The following FAM20B variants were observed in gnomAD, a reference collection of about 807,000 sequenced individuals.
The protein encoded by FAM20B is glycosaminoglycan xylosylkinase.
In FAM20B, 23 loss-of-function variants were observed where a neutral mutation model predicts 43.8. The ratio of observed to expected loss-of-function variants is 0.53; its 90% CI spans 0.38 to 0.74. The LOEUF is 0.74. Ranked by LOEUF, FAM20B falls within the 30% of genes least tolerant of loss-of-function variation. The probability of loss-of-function intolerance (pLI) is 0.00; values close to 1 mark genes in which losing one functional copy is unlikely to be tolerated. For synonymous variants in FAM20B, 178 were observed against 192.4 expected (o/e 0.93, Z 0.62); for missense variants, 440 against 510.5 (o/e 0.86, Z 1.33).
At chr1:179,069,043 G>A (rs1322728177) in intron 7 of FAM20B, among the ~76,000 whole-genome samples, 3 of 152,234 alleles carry the variant, frequency 2.0e-5, no homozygotes, top group Admixed American at 6.5e-5. Flanking sequence ...AGGCACACAC[G>A]TGGGCCTTCA....
intron 7 of FAM20B, among the ~76,000 whole-genome samples, chr1:179,071,165 G>A (rs928824150): frequency 2.6e-5 from 4 of 151,732 alleles, no homozygotes; most frequent in African/African-American, 4.8e-5. Context: ...GCGTGGTGGC[G>A]GGTGCCTGTA....
intron 1 of FAM20B, among the ~76,000 whole-genome samples, chr1:179,041,699 C>T (rs527374795): frequency 7.9e-5 from 11 of 138,658 alleles, no homozygotes; most frequent in African/African-American, 2.2e-4. Context: ...AGACGGGAGA[C>T]GGGGAGGGAG....
Position 179,049,381 on chromosome 1 carries a change from G to GTCA in FAM20B, c.378-893_378-891dup, listed in dbSNP as rs565665877. Among the ~76,000 whole-genome samples, 42 of 152,122 alleles carry GTCA rather than the reference G, an allele frequency of 2.8e-4. No individual in the cohort carries two copies. In the South Asian group the frequency reaches 8.3e-3, roughly 30 times the overall value. ...GCCAGTCCAGGACTCCTTGTAGTACGTCATCATAAACTTAAAAAAAAAGAA... is the reference window on the plus strand; with the variant it reads ...GCCAGTCCAGGACTCCTTGTAGTACGTCATCATCATAAACTTAAAAAAAAAGAA... On this transcript the variant is annotated intron_variant, in intron 2 of 7. Transcript: ENST00000263733.
chr1:179,035,773 T>TTA (rs1650200202), intron 1 of FAM20B: 1 of 260,398 alleles, frequency 3.8e-6, no homozygotes, highest in African/African-American at 2.3e-5. Context: ...ACGTTTGCCC[T>TTA]TATACAATAT....
intron 4 of FAM20B, among the ~76,000 whole-genome samples, chr1:179,058,910 T>C (rs78863118): frequency 9.9e-5 from 15 of 152,218 alleles, no homozygotes; most frequent in Non-Finnish European, 1.3e-4. Context: ...CCTAGGTTTC[T>C]GGATTGGATG....
the FAM20B span, among the ~76,000 whole-genome samples, chr1:179,019,929 A>G: frequency 0.55 from 83,900 of 151,818 alleles, 24,769 homozygotes; most frequent in African/African-American, 0.77. Flanking sequence ...TCCTTATTTC[A>G]CCCATGGGCC....
At chr1:179,063,196 G>A (rs1651547303) in intron 4 of FAM20B, among the ~76,000 whole-genome samples, 1 of 152,124 alleles carries the variant, frequency 6.6e-6, no homozygotes, top group African/African-American at 2.4e-5. Context: ...AGAATTGCTT[G>A]AACCTGGGAG....
rs553652232 is a variant in FAM20B, at chr1:179,039,940, G to A, written c.-133-3775G>A. 4.2e-3 allele frequency among the ~76,000 whole-genome samples: 642 copies of A among 152,126 alleles called. 6 individuals carry two copies. The highest frequency in any genetic ancestry group is 6.9e-3 in the Non-Finnish European group (472 of 67,984). ...TTAGGGAGTGGTGATGACTCTTAAC[G>A]AGCATGCTGCCTTCAAACATCTGTT... is the stretch of plus-strand genomic sequence containing the variant. On this transcript the variant is annotated intron_variant, in intron 1 of 7. Transcript: ENST00000263733.
chr1:179,030,683 G>A (rs990188239), intron 1 of FAM20B, among the ~76,000 whole-genome samples: 6 of 152,290 alleles, frequency 3.9e-5, no homozygotes, highest in African/African-American at 1.4e-4. Context: ...TTAAACCAGA[G>A]AGTTGCCAGT....
upstream of FAM20B, among the ~76,000 whole-genome samples, chr1:179,023,101 G>C (rs1649633495): frequency 6.6e-6 from 1 of 152,206 alleles, no homozygotes; most frequent in Non-Finnish European, 1.5e-5. Context: ...CCAAGCACAG[G>C]TGTCCCTATT....
At chr1:179,062,001 G>C (rs551314479) in intron 4 of FAM20B, among the ~76,000 whole-genome samples, 36 of 150,346 alleles carry the variant, frequency 2.4e-4, no homozygotes, top group Admixed American at 1.9e-3. Context: ...ATCATTAAAA[G>C]GAACCCTAGT....
rs1173871611 is a variant in FAM20B, at chr1:179,072,219, G to A, written c.*75G>A. ...GCACAATCAATTCCAAATGGTATGA[G>A]ATGGATTGGAAGTGGCCAGCAGCAA... On this transcript the variant is annotated 3_prime_UTR_variant, in exon 8 of 8. Coordinates refer to ENST00000263733, the MANE Select transcript of FAM20B (RefSeq NM_014864.4). 6 of 1,233,404 alleles carry A rather than the reference G, an allele frequency of 4.9e-6. No homozygotes were observed. The African/African-American group carries it at 9.0e-5, about 18-fold the overall frequency. The allele number at this position is 1,233,404 out of a possible 1,614,324, so 76.4% of individuals were successfully genotyped here.
intron 2 of FAM20B, among the ~76,000 whole-genome samples, chr1:179,045,430 A>G (rs1056020703): frequency 1.3e-5 from 2 of 152,166 alleles, no homozygotes; most frequent in Non-Finnish European, 2.9e-5. Context: ...TGTAGGGAAA[A>G]GATGGACAAA....
chr1:179,054,408 G>T (rs1353600724), intron 3 of FAM20B, 121 bp from the exon 4 acceptor site: 4 of 577,346 alleles, frequency 6.9e-6, no homozygotes, highest in Non-Finnish European at 1.3e-5. Flanking sequence ...AAAAAATTAG[G>T]TTTAGCTACT....
chr1:179,043,843 T>C lies in FAM20B; in HGVS notation c.-5T>C. ...TGGGTCAGGGGAGAAGGAAAAGAGG[T>C]CAACATGAAGCTAAAGCAGCGAGTC... is the stretch of plus-strand genomic sequence containing the variant. On this transcript the variant is annotated 5_prime_UTR_variant, in exon 2 of 8. Transcript: ENST00000263733. The C allele has an allele frequency of 6.3e-7, 1 of 1,582,002 alleles. No homozygotes were observed.
At chr1:179,070,142 T>C (rs1410705243) in intron 7 of FAM20B, among the ~76,000 whole-genome samples, 1 of 151,822 alleles carries the variant, frequency 6.6e-6, no homozygotes, top group African/African-American at 2.4e-5. Flanking sequence ...GCCTCCCAGG[T>C]TCAAGTGATT....
At chr1:179,030,882 A>G (rs752908321) in intron 1 of FAM20B, among the ~76,000 whole-genome samples, 4 of 151,900 alleles carry the variant, frequency 2.6e-5, no homozygotes, top group Non-Finnish European at 2.9e-5. Context: ...ATGTGCCAAA[A>G]AAAAAAAAAA....
chr1:179,067,247 C>T (rs1420495935), intron 7 of FAM20B, among the ~76,000 whole-genome samples: 1 of 151,926 alleles, frequency 6.6e-6, no homozygotes, highest in Admixed American at 6.6e-5. Flanking sequence ...CATCACATAC[C>T]ACCTGGGGTT....
intron 1 of FAM20B, among the ~76,000 whole-genome samples, chr1:179,032,801 A>C (rs1015252597): frequency 4.6e-5 from 7 of 152,236 alleles, no homozygotes; most frequent in African/African-American, 1.7e-4. Flanking sequence ...TGTGGCAGGC[A>C]GCAAAGCAGG....
Sources: allele counts gnomAD v4.1 joint callset (sites outside exome capture counted in the v4.1 genomes callset), GRCh38; gene constraint gnomAD v4.1.1; transcripts MANE v1.5; gene names NCBI Gene and HGNC (gene_info 2026-07-23, HGNC 2026-07-21).